The following PCDHA7 variants were observed in gnomAD, a reference collection of about 807,000 sequenced individuals.
PCDHA7 encodes protocadherin alpha-7.
In PCDHA7, 37 loss-of-function variants were observed where a neutral mutation model predicts 57.2. The ratio of observed to expected loss-of-function variants is 0.65; its 90% CI spans 0.50 to 0.85. PCDHA7 has a LOEUF of 0.85. Among genes scored for constraint, PCDHA7 ranks in the 40% least tolerant of loss-of-function variants. PCDHA7 has a pLI of 0.00. For synonymous variants in PCDHA7, 553 were observed against 558.8 expected, an observed-to-expected ratio of 0.99 and a Z score of 0.15; for missense variants, 1,188 against 1,241.8, an observed-to-expected ratio of 0.96 and a Z score of 0.65.
chr5:140,922,939 T>C (rs1206981483), intron 1 of PCDHA7, among the ~76,000 whole-genome samples: 1 of 152,172 alleles, frequency 6.6e-6, no homozygotes, highest in Non-Finnish European at 1.5e-5. Flanking sequence ...CTTCCAGCAA[T>C]GGAAATCCAG....
chr5:140,968,257 T>A (rs781932747), intron 1 of PCDHA7: 1 of 1,614,064 alleles, frequency 6.2e-7, no homozygotes, highest in Non-Finnish European at 8.5e-7. Flanking sequence ...CAGACCCAGA[T>A]GAAAAGGAGA....
At chr5:140,986,696 C>G (rs2097209947) in intron 3 of PCDHA7, among the ~76,000 whole-genome samples, 2 of 152,130 alleles carry the variant, frequency 1.3e-5, no homozygotes, top group South Asian at 2.1e-4. Context: ...TCAAAACACA[C>G]AGCACTGCAG....
At chr5:140,862,493 C>T (rs1554156460) in intron 1 of PCDHA7, 4 of 388,658 alleles carry the variant, frequency 1.0e-5, no homozygotes, top group Admixed American at 3.4e-5. Context: ...GGTAATCGCT[C>T]GGAATGGGGA....
intron 1 of PCDHA7, among the ~76,000 whole-genome samples, chr5:140,951,791 A>T (rs375226786): frequency 1.3e-5 from 2 of 152,228 alleles, no homozygotes; most frequent in Non-Finnish European, 2.9e-5. Context: ...AAATACAATT[A>T]TCCCTTCCCA....
At chr5:140,918,232 A>G (rs2078581718) in intron 1 of PCDHA7, among the ~76,000 whole-genome samples, 1 of 152,166 alleles carries the variant, frequency 6.6e-6, no homozygotes, top group African/African-American at 2.4e-5. Flanking sequence ...ATTTTTGTAC[A>G]TTGATTTTGT....
At chr5:140,868,202 A>C (rs1401388364) in intron 1 of PCDHA7, 1 of 152,188 alleles carries the variant, frequency 6.6e-6, no homozygotes, top group Non-Finnish European at 1.5e-5. Flanking sequence ...GGCTTACATT[A>C]GAAATAATAT....
At chr5:140,916,967 G>T (rs1215722713) in intron 1 of PCDHA7, among the ~76,000 whole-genome samples, 1 of 152,194 alleles carries the variant, frequency 6.6e-6, no homozygotes, top group African/African-American at 2.4e-5. Flanking sequence ...TGACTGCTGG[G>T]ATGAGTGATT....
chr5:140,869,159 T>C, intron 1 of PCDHA7: 1 of 1,613,792 alleles, frequency 6.2e-7, no homozygotes, highest in Non-Finnish European at 8.5e-7. Flanking sequence ...CTCTGGCTTC[T>C]CCTCCTCGAA....
At chr5:140,985,075 C>G (rs1477852280) in intron 3 of PCDHA7, among the ~76,000 whole-genome samples, 2 of 151,968 alleles carry the variant, frequency 1.3e-5, no homozygotes, top group Non-Finnish European at 2.9e-5. Context: ...GTAGCTGAGA[C>G]TACAGGCGTG....
chr5:140,924,647 C>G (rs1396293249), intron 1 of PCDHA7, among the ~76,000 whole-genome samples: 1 of 152,132 alleles, frequency 6.6e-6, no homozygotes, highest in East Asian at 1.9e-4. Context: ...GTAATCCCAG[C>G]ACTTTGGGAG....
At chr5:140,883,974 G>A (rs782820820) in intron 1 of PCDHA7, 6 of 1,612,844 alleles carry the variant, frequency 3.7e-6, no homozygotes, top group African/African-American at 2.7e-5. Flanking sequence ...CTGACGCCCG[G>A]GGCTGGCAGC....
At chr5:140,895,653 A>G (rs1247218282) in intron 1 of PCDHA7, among the ~76,000 whole-genome samples, 1 of 152,150 alleles carries the variant, frequency 6.6e-6, no homozygotes, top group Non-Finnish European at 1.5e-5. Flanking sequence ...GCTCCCACTT[A>G]TAAGTGAGAA....
intron 1 of PCDHA7, chr5:140,857,129 G>A: frequency 6.3e-7 from 1 of 1,598,280 alleles, no homozygotes; most frequent in Non-Finnish European, 8.6e-7. Context: ...AGTGAAAGAA[G>A]ATGCTCAAGT....
At chr5:140,964,417 C>T (rs1279243450) in intron 1 of PCDHA7, among the ~76,000 whole-genome samples, 15 of 152,088 alleles carry the variant, frequency 9.9e-5, no homozygotes, top group Admixed American at 9.8e-4. Context: ...TGGGGGCTTC[C>T]ATTAAAAAAT....
At chr5:141,009,034 C>T (rs183192515) in intron 3 of PCDHA7, among the ~76,000 whole-genome samples, 64 of 152,344 alleles carry the variant, frequency 4.2e-4, no homozygotes, top group African/African-American at 1.5e-3. Context: ...TTTCCCATCC[C>T]GTTCCCAGTC....
At position 140,843,240 on chromosome 5, in the gene PCDHA7, C is replaced by G. The variant is rs2150355693; in HGVS notation, c.2355+6502C>G. On this transcript the variant is annotated intron_variant, in intron 1 of 3. Coordinates refer to ENST00000525929, the MANE Select transcript of PCDHA7 (RefSeq NM_018910.3). ...AGCACCACTCGTGTCCTGGACGAAG[C>G]GGACTCTCCGCGCCACCGTCTGCTG... The G allele has an allele frequency of 4.4e-6, 7 of 1,595,828 alleles. 1 individual carries two copies. Among genetic ancestry groups the G allele is most frequent in the Non-Finnish European group, 6.0e-6 (7 of 1,165,542 alleles).
chr5:140,934,684 A>C (rs1026507859), intron 1 of PCDHA7, among the ~76,000 whole-genome samples: 9 of 152,178 alleles, frequency 5.9e-5, no homozygotes, highest in Non-Finnish European at 1.3e-4. Flanking sequence ...TATTCAAAAC[A>C]ATGAATTGAT....
intron 1 of PCDHA7, among the ~76,000 whole-genome samples, chr5:140,923,261 A>C (rs570487869): frequency 6.6e-6 from 1 of 152,322 alleles, no homozygotes; most frequent in East Asian, 1.9e-4. Flanking sequence ...CAACATAGTG[A>C]GACCTTGTCT....
chr5:140,894,584 T>G (rs1554186162), intron 1 of PCDHA7, among the ~76,000 whole-genome samples: 1 of 152,006 alleles, frequency 6.6e-6, no homozygotes, highest in Non-Finnish European at 1.5e-5. Flanking sequence ...TTTTAATATT[T>G]TACTGAGTTT....
Sources: allele counts gnomAD v4.1 joint callset (sites outside exome capture counted in the v4.1 genomes callset), GRCh38; gene constraint gnomAD v4.1.1; transcripts MANE v1.5; gene names NCBI Gene and HGNC (gene_info 2026-07-23, HGNC 2026-07-21).